Variants in TRIM67 observed in about 807,000 individuals in gnomAD.
TRIM67 encodes tripartite motif-containing protein 67.
TRIM67 carries 39 observed loss-of-function variants against 71.0 expected under a neutral mutation model. The observed-to-expected ratio is 0.55, with a 90% CI of 0.43 to 0.72. The LOEUF is 0.72. Ranked by LOEUF, TRIM67 falls within the 30% of genes least tolerant of loss-of-function variation. The pLI is 0.00. For synonymous variants in TRIM67, 481 were observed against 473.9 expected (o/e 1.01, Z -0.19); for missense variants, 973 against 1,079.2 (o/e 0.90, Z 1.38).
chr1:231,217,751 G>T lies in TRIM67; in HGVS notation c.*2311G>T. Reference sequence around the variant, plus strand: ...GTGGCCCCAGCTCTGCAGAAGAATCGCCCATCATTGGAGCACAAGTTGCCT... The same window carrying T: ...GTGGCCCCAGCTCTGCAGAAGAATCTCCCATCATTGGAGCACAAGTTGCCT... On this transcript the variant is annotated 3_prime_UTR_variant, in exon 10 of 10. Transcript: ENST00000366653. The T allele has an allele frequency of 7.9e-7, 1 of 1,269,744 alleles. No individual in the cohort carries two copies. Among genetic ancestry groups the T allele is most frequent in the Non-Finnish European group, 1.0e-6 (1 of 978,388 alleles). The allele number at this position is 1,269,744 out of a possible 1,614,324, so 78.7% of individuals were successfully genotyped here. A position where few individuals can be genotyped will look rare whatever the true frequency, so the allele number is the denominator to read the frequency against.
chr1:231,168,816 C>T (rs997732523), intron 1 of TRIM67, among the ~76,000 whole-genome samples: 2 of 152,138 alleles, frequency 1.3e-5, no homozygotes, highest in African/African-American at 4.8e-5. Flanking sequence ...GCCTTGGGGG[C>T]CCACCTAAGG....
rs1159766852 is a variant in TRIM67, at chr1:231,167,319, C to CTTTTTTTTTTTTTTTTT, written c.1044+3311_1044+3327dup. Among the ~76,000 whole-genome samples, 35 of 51,844 alleles carry CTTTTTTTTTTTTTTTTT rather than the reference C, an allele frequency of 6.8e-4. 5 individuals are homozygous for CTTTTTTTTTTTTTTTTT. Among genetic ancestry groups the CTTTTTTTTTTTTTTTTT allele is most frequent in the Non-Finnish European group, 8.8e-4 (24 of 27,220 alleles). The allele number at this position is 51,844 out of a possible 152,430, so 34.0% of individuals were successfully genotyped here. A position where few individuals can be genotyped will look rare whatever the true frequency, so the allele number is the denominator to read the frequency against. On this transcript the variant is annotated intron_variant, in intron 1 of 9. Coordinates refer to ENST00000366653, the MANE Select transcript of TRIM67 (RefSeq NM_001004342.5). ...ACAGGACTTTTGATCACTCTAATGT[C>CTTTTTTTTTTTTTTTTT]TTTTTTTTTTTTTTTTTTTTTGAGA...
intron 1 of TRIM67, among the ~76,000 whole-genome samples, chr1:231,169,940 T>C (rs1178365145): frequency 6.6e-6 from 1 of 152,118 alleles, no homozygotes; most frequent in Non-Finnish European, 1.5e-5. Context: ...CCAAGTAGGT[T>C]GGTAATTCAG....
chr1:231,186,296 A>C, intron 1 of TRIM67: 1 of 805,064 alleles, frequency 1.2e-6, no homozygotes, highest in Non-Finnish European at 2.0e-6. Flanking sequence ...GGAACAGGAC[A>C]AATCGGGCCT....
intron 6 of TRIM67, among the ~76,000 whole-genome samples, chr1:231,206,366 G>A (rs1471423618): frequency 2.6e-5 from 4 of 151,856 alleles, no homozygotes; most frequent in African/African-American, 9.7e-5. Context: ...ACTTGAACTC[G>A]GGAGGCGGAG....
At chr1:231,178,356 T>G (rs1682809907) in intron 1 of TRIM67, among the ~76,000 whole-genome samples, 1 of 152,226 alleles carries the variant, frequency 6.6e-6, no homozygotes, top group Non-Finnish European at 1.5e-5. Flanking sequence ...AAACTCCTCC[T>G]TTTGCCATGG....
intron 1 of TRIM67, among the ~76,000 whole-genome samples, chr1:231,172,363 G>A (rs1682639559): frequency 6.6e-6 from 1 of 152,188 alleles, no homozygotes; most frequent in African/African-American, 2.4e-5. Flanking sequence ...GGACGGGATG[G>A]GGGAGCTTCA....
chr1:231,178,590 C>T (rs1232010255), intron 1 of TRIM67, among the ~76,000 whole-genome samples: 4 of 152,236 alleles, frequency 2.6e-5, no homozygotes, highest in Non-Finnish European at 2.9e-5. Flanking sequence ...CAGCGTTTAA[C>T]CTAATTGAGC....
chr1:231,217,112 C>G lies in TRIM67; in HGVS notation c.*1672C>G, dbSNP rs577216924. On this transcript the variant is annotated 3_prime_UTR_variant, in exon 10 of 10. Coordinates refer to ENST00000366653, the MANE Select transcript of TRIM67 (RefSeq NM_001004342.5). ...GCCTGCCGGAGCCATGCAGGTACCC[C>G]CCCTCCACTCAGCAGGCCCGACAAT... 574 of 985,906 alleles carry G rather than the reference C, an allele frequency of 5.8e-4. 1 individual carries two copies. The highest frequency in any genetic ancestry group is 1.0e-3 in the Middle Eastern group (2 of 1,914). 61.1% of individuals were successfully genotyped at this position (985,906 alleles called of 1,614,324 possible). A position where few individuals can be genotyped will look rare whatever the true frequency, so the allele number is the denominator to read the frequency against.
chr1:231,164,417 C>A (rs1369376084), intron 1 of TRIM67, among the ~76,000 whole-genome samples: 2 of 152,180 alleles, frequency 1.3e-5, no homozygotes, highest in Non-Finnish European at 2.9e-5. Context: ...CAACTTATGG[C>A]TGGCAATGTG....
intron 1 of TRIM67, among the ~76,000 whole-genome samples, chr1:231,166,266 A>T (rs1682461380): frequency 6.6e-6 from 1 of 152,348 alleles, no homozygotes; most frequent in East Asian, 1.9e-4. Flanking sequence ...GAATGAATAG[A>T]AGTGCTGCTG....
rs1053440885 is a variant in TRIM67 at position 231,215,868 on chromosome 1, T to C, written c.*428T>C. 7 of 999,204 alleles carry C rather than the reference T, an allele frequency of 7.0e-6. No homozygotes were observed. In the African/African-American group the frequency reaches 1.0e-4, roughly 15 times the overall value. The allele number at this position is 999,204 out of a possible 1,614,324, so 61.9% of individuals were successfully genotyped here. A position where few individuals can be genotyped will look rare whatever the true frequency, so the allele number is the denominator to read the frequency against. Reference sequence around the variant, plus strand: ...GCGCTGTAATCCCACGCCCCGGGTGTTGGCCCTCCGTGGGGACCTTGCCTC... The same window carrying C: ...GCGCTGTAATCCCACGCCCCGGGTGCTGGCCCTCCGTGGGGACCTTGCCTC... On this transcript the variant is annotated 3_prime_UTR_variant, in exon 10 of 10. Transcript: ENST00000366653.
chr1:231,193,166 C>T (rs373913547), intron 1 of TRIM67, among the ~76,000 whole-genome samples: 1 of 152,212 alleles, frequency 6.6e-6, no homozygotes, highest in East Asian at 1.9e-4. Context: ...CTGCAGGGAT[C>T]TATCCCACTC....
rs1411546596 is a variant in TRIM67, at chr1:231,163,780, G to T, written c.811G>T (p.Ala271Ser). ...GGCAGCCTCCGGGCCCACTGGCACC[G>T]CCCAGGGCGCCCCCAGCGGAGGCGG... ...AEAASGPTGT[A>S]QGAPSGGGGC... Residue 271 changes from alanine (A) to serine (S), a missense_variant, in exon 1 of 10, where the codon GCC becomes TCC. Physicochemically the swap from Ala to Ser is moderately conservative, Grantham distance 99 (BLOSUM62 1). Coordinates refer to ENST00000366653, the MANE Select transcript of TRIM67 (RefSeq NM_001004342.5). 6.1e-6 allele frequency: 9 copies of T among 1,487,246 alleles called. No homozygotes were observed. The highest frequency in any genetic ancestry group is 5.6e-5 in the East Asian group (2 of 35,868). 92.1% of individuals were successfully genotyped at this position (1,487,246 alleles called of 1,614,324 possible).
In TRIM67 at chr1:231,219,170, G is replaced by A; in HGVS notation, c.*3730G>A. 1 of 985,550 alleles carries A rather than the reference G, an allele frequency of 1.0e-6. No homozygotes were observed. The highest frequency in any genetic ancestry group is 1.7e-5 in the African/African-American group (1 of 57,312). 61.1% of individuals were successfully genotyped at this position (985,550 alleles called of 1,614,324 possible). On this transcript the variant is annotated 3_prime_UTR_variant, in exon 10 of 10. Transcript: ENST00000366653. ...AGAACACTGCTGCACAGCCCGTGGGGTGGCGCCAGGGTTTCTCAACCTCTA... is the reference window on the plus strand; with the variant it reads ...AGAACACTGCTGCACAGCCCGTGGGATGGCGCCAGGGTTTCTCAACCTCTA...
intron 1 of TRIM67, chr1:231,184,829 C>T: frequency 1.7e-6 from 1 of 603,074 alleles, no homozygotes; most frequent in Non-Finnish European, 2.9e-6. Flanking sequence ...TTGAGGCAGG[C>T]CTTTGGGGTG....
intron 1 of TRIM67, among the ~76,000 whole-genome samples, chr1:231,193,493 T>G (rs946682773): frequency 1.4e-5 from 2 of 139,492 alleles, no homozygotes; most frequent in African/African-American, 5.4e-5. Flanking sequence ...ACACCTGAAC[T>G]CTCTCTCAAG....
chr1:231,187,967 C>A (rs1223129635), intron 1 of TRIM67, among the ~76,000 whole-genome samples: 1 of 152,178 alleles, frequency 6.6e-6, no homozygotes, highest in Non-Finnish European at 1.5e-5. Flanking sequence ...CCTGTTCTTT[C>A]GTGTTCTCTC....
At position 231,217,985 on chromosome 1, in the gene TRIM67, A is replaced by G. The variant is rs1473511313; in HGVS notation, c.*2545A>G. On this transcript the variant is annotated 3_prime_UTR_variant, in exon 10 of 10. Transcript: ENST00000366653. ...TTCTCCCTTTTCTGACTCCTCCAGG[A>G]GCCCAGAAGCAATACGGCCGATGCC... 8.2e-7 allele frequency: 1 copy of G among 1,223,944 alleles called. No individual in the cohort carries two copies. Among genetic ancestry groups the G allele is most frequent in the Middle Eastern group, 3.6e-4 (1 of 2,800 alleles). 75.8% of individuals were successfully genotyped at this position (1,223,944 alleles called of 1,614,324 possible).
Sources: allele counts gnomAD v4.1 joint callset (sites outside exome capture counted in the v4.1 genomes callset), GRCh38; gene constraint gnomAD v4.1.1; transcripts MANE v1.5; gene names NCBI Gene and HGNC (gene_info 2026-07-23, HGNC 2026-07-21).